The following NEGR1 variants were observed in gnomAD, a reference collection of about 807,000 sequenced individuals.
NEGR1 encodes the protein neuronal growth regulator 1, also known as IgLON family member 4.
A neutral mutation model predicts 40.9 loss-of-function variants in NEGR1; 10 were observed. That is an observed-to-expected ratio of 0.24 (90% CI 0.15 to 0.42). NEGR1 has a LOEUF of 0.42. Ranked by LOEUF, NEGR1 falls within the 10% of genes least tolerant of loss-of-function variation. The probability of loss-of-function intolerance (pLI) is 1.00; values close to 1 mark genes in which losing one functional copy is unlikely to be tolerated. For synonymous variants in NEGR1, 185 were observed against 166.8 expected, an observed-to-expected ratio of 1.11 and a Z score of -0.84; for missense variants, 352 against 438.9, an observed-to-expected ratio of 0.80 and a Z score of 1.77.
chr1:72,213,453 A>G (rs899443821), intron 1 of NEGR1, among the ~76,000 whole-genome samples: 1 of 151,910 alleles, frequency 6.6e-6, no homozygotes, highest in Non-Finnish European at 1.5e-5. Flanking sequence ...TTCATATTAG[A>G]TATTATGAAA....
chr1:71,945,189 G>T (rs1646006843), intron 1 of NEGR1, among the ~76,000 whole-genome samples: 1 of 152,104 alleles, frequency 6.6e-6, no homozygotes, highest in African/African-American at 2.4e-5. Flanking sequence ...CCTGGGCCAA[G>T]TTAATTTACC....
chr1:71,940,374 C>T (rs1009668133), intron 1 of NEGR1, among the ~76,000 whole-genome samples: 1 of 152,124 alleles, frequency 6.6e-6, no homozygotes, highest in Non-Finnish European at 1.5e-5. Context: ...TCCAAAAATA[C>T]ACTCTTCAGC....
At chr1:72,257,207 A>G (rs1655300332) in intron 1 of NEGR1, among the ~76,000 whole-genome samples, 1 of 150,186 alleles carries the variant, frequency 6.7e-6, no homozygotes, top group Non-Finnish European at 1.5e-5. Flanking sequence ...CTGTAGTCCC[A>G]GCTACTTGGG....
chr1:72,049,816 A>G (rs559576336), intron 1 of NEGR1, among the ~76,000 whole-genome samples: 6 of 151,568 alleles, frequency 4.0e-5, no homozygotes, highest in Non-Finnish European at 7.4e-5. Context: ...TGGTGTTATT[A>G]TTTCGCTCTA....
chr1:72,238,842 T>C (rs1033146573), intron 1 of NEGR1, among the ~76,000 whole-genome samples: 2 of 151,892 alleles, frequency 1.3e-5, no homozygotes, highest in Non-Finnish European at 2.9e-5. Flanking sequence ...AAGAGGAATT[T>C]AAAGTACCAA....
At chr1:71,894,866 C>G (rs1660922948) in intron 2 of NEGR1, among the ~76,000 whole-genome samples, 1 of 151,960 alleles carries the variant, frequency 6.6e-6, no homozygotes, top group African/African-American at 2.4e-5. Context: ...TATAATCATG[C>G]CTGTGAATAG....
intron 1 of NEGR1, among the ~76,000 whole-genome samples, chr1:72,099,872 ACTCT>A (rs199653788): frequency 6.6e-5 from 10 of 150,898 alleles, no homozygotes; most frequent in South Asian, 2.1e-4. Flanking sequence ...CATTATATAT[ACTCT>A]CTCTCTCTCC....
intron 1 of NEGR1, among the ~76,000 whole-genome samples, chr1:72,054,044 C>T (rs1404734354): frequency 6.6e-6 from 1 of 151,184 alleles, no homozygotes; most frequent in Non-Finnish European, 1.5e-5. Flanking sequence ...ACCTGCTAGA[C>T]TTAATTAGCT....
intron 1 of NEGR1, among the ~76,000 whole-genome samples, chr1:72,071,348 C>T (rs1317596881): frequency 6.6e-6 from 1 of 151,892 alleles, no homozygotes; most frequent in African/African-American, 2.4e-5. Flanking sequence ...CCAATATTGC[C>T]ATTAATTTGA....
chr1:72,052,402 T>C (rs1185226692), intron 1 of NEGR1, among the ~76,000 whole-genome samples: 2 of 151,458 alleles, frequency 1.3e-5, no homozygotes, highest in Non-Finnish European at 3.0e-5. Context: ...ATTGCTCACA[T>C]GAATTTAAAT....
At position 72,080,454 on chromosome 1, in the gene NEGR1, AC is replaced by A. The variant is rs151032039; in HGVS notation, c.177-145144del. Among the ~76,000 whole-genome samples the A allele has an allele frequency of 8.0e-4, 121 of 152,198 alleles. 1 individual carries two copies. Among genetic ancestry groups the A allele is most frequent in the African/African-American group, 2.8e-3 (115 of 41,562 alleles). The stretch of plus-strand genomic sequence containing the variant: ...GCATTCAAAAACTATTTTTCTAGGT[AC>A]TATGAATATTAAAAGAACATATGTA... On this transcript the variant is annotated intron_variant, in intron 1 of 6. Transcript: ENST00000357731.
At chr1:72,200,087 TAGTTC>T (rs1653150697) in intron 1 of NEGR1, among the ~76,000 whole-genome samples, 1 of 151,960 alleles carries the variant, frequency 6.6e-6, no homozygotes, top group Non-Finnish European at 1.5e-5. Flanking sequence ...GAATGTAAAT[TAGTTC>T]AGTCACTGTA....
intron 1 of NEGR1, among the ~76,000 whole-genome samples, chr1:72,111,192 T>C (rs1649358389): frequency 6.6e-6 from 1 of 151,598 alleles, no homozygotes; most frequent in South Asian, 2.1e-4. Flanking sequence ...TTCCATGATT[T>C]GGGGTTGGCT....
chr1:71,926,716 A>G (rs939041592), intron 2 of NEGR1, among the ~76,000 whole-genome samples: 1 of 152,114 alleles, frequency 6.6e-6, no homozygotes, highest in South Asian at 2.1e-4. Flanking sequence ...AAAATGTAAA[A>G]GAAAATATTA....
intron 1 of NEGR1, among the ~76,000 whole-genome samples, chr1:72,165,781 C>T (rs888365488): frequency 1.3e-5 from 2 of 151,996 alleles, no homozygotes; most frequent in Non-Finnish European, 2.9e-5. Flanking sequence ...GGAAAGTATG[C>T]TTTCCACTAT....
chr1:71,816,320 A>G (rs1044073374), intron 2 of NEGR1, among the ~76,000 whole-genome samples: 1 of 152,056 alleles, frequency 6.6e-6, no homozygotes, highest in African/African-American at 2.4e-5. Context: ...CCATCTTAGC[A>G]GAAAACCTTT....
intron 6 of NEGR1, among the ~76,000 whole-genome samples, chr1:71,441,214 G>T (rs889013678): frequency 7.9e-5 from 12 of 152,234 alleles, no homozygotes; most frequent in Non-Finnish European, 1.5e-4. Context: ...TCGCTCCAAA[G>T]TGAAGTTATC....
chr1:71,460,804 A>G (rs1315558865), intron 6 of NEGR1, among the ~76,000 whole-genome samples: 2 of 152,228 alleles, frequency 1.3e-5, no homozygotes, highest in Non-Finnish European at 2.9e-5. Flanking sequence ...CAAGACAAAG[A>G]GGAGAAAATG....
intron 1 of NEGR1, among the ~76,000 whole-genome samples, chr1:72,121,315 C>T (rs1649797148): frequency 6.6e-6 from 1 of 151,906 alleles, no homozygotes; most frequent in Non-Finnish European, 1.5e-5. Flanking sequence ...GTCCATACTT[C>T]CAAGAAGACA....
Sources: gnomAD v4.1 joint callset for allele counts (sites outside exome capture counted in the v4.1 genomes callset) on GRCh38, gnomAD v4.1.1 for gene constraint, MANE v1.5 for transcripts, NCBI Gene and HGNC (gene_info 2026-07-23, HGNC 2026-07-21) for gene names.